Variants in SRSF4 observed in about 807,000 individuals in gnomAD.
SRSF4 encodes serine and arginine rich splicing factor 4, also known as serine/arginine-rich splicing factor 4.
SRSF4 carries 12 observed loss-of-function variants against 48.8 expected under a neutral mutation model. The observed-to-expected ratio is 0.25, with a 90% CI of 0.16 to 0.40. The LOEUF is 0.40. SRSF4 is among the 10% of genes least tolerant of loss of function. SRSF4 has a pLI of 1.00. For synonymous variants in SRSF4, 248 were observed against 232.5 expected (o/e 1.07, Z -0.61); for missense variants, 466 against 667.1 (o/e 0.70, Z 3.32).
Position 29,177,350 on chromosome 1 carries a change from C to T in SRSF4, c.107+4296G>A, listed in dbSNP as rs1004615757. On this transcript the variant is annotated intron_variant, in intron 1 of 5. Coordinates refer to ENST00000373795, the MANE Select transcript of SRSF4 (RefSeq NM_005626.5). ...AGGCTGGAGTGCAATGGCAGGATCT[C>T]GGCTCACCGCAACCTATGCCTCTGA... 4.0e-5 allele frequency among the ~76,000 whole-genome samples: 6 copies of T among 150,042 alleles called. No individual in the cohort carries two copies. In the East Asian group the frequency reaches 5.9e-4, roughly 15 times the overall value.
intron 1 of SRSF4, among the ~76,000 whole-genome samples, chr1:29,175,948 G>C (rs59764859): frequency 6.6e-6 from 1 of 151,820 alleles, no homozygotes; most frequent in Non-Finnish European, 1.5e-5. Context: ...GAGGCTGGCA[G>C]AAGGGCTTAA....
intron 4 of SRSF4, among the ~76,000 whole-genome samples, chr1:29,152,176 T>C (rs1672420809): frequency 6.6e-6 from 1 of 152,330 alleles, no homozygotes; most frequent in East Asian, 1.9e-4. Flanking sequence ...TATGGAATTA[T>C]TGCTAATTTT....
At chr1:29,158,457 T>G in intron 3 of SRSF4, among the ~76,000 whole-genome samples, 1 of 147,002 alleles carries the variant, frequency 6.8e-6, no homozygotes, top group African/African-American at 2.5e-5. Flanking sequence ...TGAGACAGAG[T>G]CCTGCTCTAC....
chr1:29,163,473 G>A (rs1019782463), intron 1 of SRSF4, among the ~76,000 whole-genome samples: 1 of 152,094 alleles, frequency 6.6e-6, no homozygotes, highest in Non-Finnish European at 1.5e-5. Context: ...TATCTGATAC[G>A]GACTCTTGTT....
intron 1 of SRSF4, among the ~76,000 whole-genome samples, chr1:29,166,292 T>C (rs183681947): frequency 4.6e-5 from 7 of 152,306 alleles, no homozygotes; most frequent in African/African-American, 1.7e-4. Flanking sequence ...GACACACTGA[T>C]AGGACAGTAC....
chr1:29,162,925 C>T (rs1178257443), intron 1 of SRSF4, among the ~76,000 whole-genome samples: 2 of 152,222 alleles, frequency 1.3e-5, no homozygotes, highest in Non-Finnish European at 2.9e-5. Flanking sequence ...AGTGATGCTT[C>T]TGTCAGACCT....
intron 1 of SRSF4, among the ~76,000 whole-genome samples, chr1:29,174,202 A>G (rs1187916156): frequency 1.2e-4 from 1 of 8,044 alleles, no homozygotes; most frequent in Non-Finnish European, 6.6e-4. Flanking sequence ...TCAAAAAAAA[A>G]AAGAAAAAAG....
chr1:29,150,472 C>G (rs930309987), intron 4 of SRSF4, among the ~76,000 whole-genome samples: 4 of 152,126 alleles, frequency 2.6e-5, no homozygotes, highest in Admixed American at 2.6e-4. Context: ...CCATGTTGGT[C>G]AGGCTGGTTT....
At chr1:29,163,450 A>G (rs2151817230) in intron 1 of SRSF4, among the ~76,000 whole-genome samples, 1 of 152,362 alleles carries the variant, frequency 6.6e-6, no homozygotes, top group Non-Finnish European at 1.5e-5. Flanking sequence ...ACATCTTCGC[A>G]TACAACAAAC....
intron 1 of SRSF4, among the ~76,000 whole-genome samples, chr1:29,180,750 C>G (rs1463964281): frequency 6.6e-6 from 1 of 152,248 alleles, no homozygotes; most frequent in Non-Finnish European, 1.5e-5. Context: ...TTTCTCCAGG[C>G]CTGATTCCTC....
chr1:29,171,769 C>T (rs916479048), intron 1 of SRSF4: 4 of 152,142 alleles, frequency 2.6e-5, no homozygotes, highest in East Asian at 1.9e-4. Context: ...ATTTTATTAC[C>T]GAGTCTATAT....
At chr1:29,149,688 G>T in intron 5 of SRSF4, among the ~76,000 whole-genome samples, 1 of 100,912 alleles carries the variant, frequency 9.9e-6, no homozygotes, top group Admixed American at 9.9e-5. Flanking sequence ...CTTGAGGGGG[G>T]AAAAAAAAAA....
intron 1 of SRSF4, among the ~76,000 whole-genome samples, chr1:29,173,910 T>C (rs3003629): frequency 0.85 from 129,019 of 151,672 alleles, 55,248 homozygotes; most frequent in Middle Eastern, 0.9. Context: ...GAACTCTTGG[T>C]GGGTGCGGTG....
chr1:29,167,109 T>C (rs1169160916), intron 1 of SRSF4, among the ~76,000 whole-genome samples: 1 of 152,254 alleles, frequency 6.6e-6, no homozygotes, highest in Non-Finnish European at 1.5e-5. Flanking sequence ...TATGTAATTC[T>C]AGGCTAGAGC....
At chr1:29,155,078 C>T (rs1672476391) in intron 3 of SRSF4, among the ~76,000 whole-genome samples, 168 bp from the exon 4 acceptor site, 1 of 152,172 alleles carries the variant, frequency 6.6e-6, no homozygotes, top group Non-Finnish European at 1.5e-5. Context: ...TTCTTTAAAG[C>T]ACCAGCCATA....
chr1:29,151,173 C>A (rs542754187), intron 4 of SRSF4, among the ~76,000 whole-genome samples: 2 of 152,216 alleles, frequency 1.3e-5, no homozygotes, highest in African/African-American at 4.8e-5. Flanking sequence ...CAAAGCTGCC[C>A]AGGCACCATC....
intron 4 of SRSF4, among the ~76,000 whole-genome samples, chr1:29,153,150 G>A (rs1672440636): frequency 1.3e-5 from 2 of 151,678 alleles, no homozygotes; most frequent in South Asian, 4.2e-4. Context: ...TCTTTTTTTT[G>A]AGACAGAGTC....
intron 1 of SRSF4, among the ~76,000 whole-genome samples, chr1:29,176,975 C>G (rs1672877716): frequency 6.6e-6 from 1 of 151,426 alleles, no homozygotes; most frequent in African/African-American, 2.4e-5. Flanking sequence ...ATCCTTCTAG[C>G]TACTAGACAG....
At chr1:29,155,515 A>G (rs963832048) in intron 3 of SRSF4, among the ~76,000 whole-genome samples, 1 of 152,138 alleles carries the variant, frequency 6.6e-6, no homozygotes, top group African/African-American at 2.4e-5. Flanking sequence ...CAAAAAACAG[A>G]GTCTTGCTTT....
Sources: gnomAD v4.1 joint callset for allele counts (sites outside exome capture counted in the v4.1 genomes callset) on GRCh38, gnomAD v4.1.1 for gene constraint, MANE v1.5 for transcripts, NCBI Gene and HGNC (gene_info 2026-07-23, HGNC 2026-07-21) for gene names.